The following NUDT17 variants were observed in gnomAD, a reference collection of about 807,000 sequenced individuals.
NUDT17 encodes m7GpppN-mRNA hydrolase NUDT17.
Under a neutral mutation model 38.6 loss-of-function variants are expected in NUDT17, and 38 were observed. The ratio of observed to expected loss-of-function variants is 0.98; its 90% CI spans 0.76 to 1.29. The LOEUF (loss-of-function observed/expected upper bound fraction) is 1.29. NUDT17 is among the 50% of genes most tolerant of loss of function. The pLI is 0.00. For missense variants in NUDT17, 462 were observed against 415.2 expected (o/e 1.11, Z -0.98); for synonymous variants, 192 against 167.8 (o/e 1.14, Z -1.11).
rs1553732978 is a variant in NUDT17 at position 145,847,673 on chromosome 1, A to G, written c.685A>G (p.Thr229Ala). 1.5e-5 allele frequency: 24 copies of G among 1,614,032 alleles called. No homozygotes were observed. Among genetic ancestry groups the G allele is most frequent in the Non-Finnish European group, 2.0e-5 (24 of 1,179,990 alleles). ...TGCAGTGGCTGCCGCAGAGGATGGG[A>G]CAGAGACACCCGGACTTCTCCCCCA... ...AAAVAAAEDG[T>A]ETPGLLPQDL... is the part of the protein sequence containing the mutation. The change falls in exon 6 of 8, where the codon ACA becomes GCA. Residue 229 changes from threonine (T) to alanine (A), a missense_variant. Coordinates refer to ENST00000334513, the MANE Select transcript of NUDT17 (RefSeq NM_001012758.3).
At chr1:145,846,518 G>A in intron 3 of NUDT17, 60 bp downstream of exon 3, 4 of 1,604,770 alleles carry the variant, frequency 2.5e-6, no homozygotes, top group Non-Finnish European at 3.4e-6. Context: ...CATCTTGGGT[G>A]TGGGCTGAGG....
chr1:145,846,577 T>C, intron 3 of NUDT17, 21 bp from the exon 4 acceptor site: 2 of 1,611,882 alleles, frequency 1.2e-6, no homozygotes, highest in Non-Finnish European at 1.7e-6. Context: ...GCCCCTCTGA[T>C]GTGTCTTCTC....
rs139789829 is a variant in NUDT17, at chr1:145,847,684, C to G, written c.696C>G (p.Pro232=). 1 of 1,614,024 alleles carries G rather than the reference C, an allele frequency of 6.2e-7. No individual in the cohort carries two copies. Among genetic ancestry groups the G allele is most frequent in the South Asian group, 1.1e-5 (1 of 91,056 alleles). ...VAAAEDGTET[P]GLLPQDLPPS... ...CCGCAGAGGATGGGACAGAGACACCCGGACTTCTCCCCCAGGACCTACCAC... is the reference window on the plus strand; with the variant it reads ...CCGCAGAGGATGGGACAGAGACACCGGGACTTCTCCCCCAGGACCTACCAC... The change falls in exon 6 of 8, where the codon CCC becomes CCG. Residue 232 remains proline (P), a synonymous_variant. Coordinates refer to ENST00000334513, the MANE Select transcript of NUDT17 (RefSeq NM_001012758.3).
rs1448931024 is a variant in NUDT17, at chr1:145,848,220, T to C, written c.840T>C (p.Thr280=). The C allele has an allele frequency of 1.2e-6, 2 of 1,614,086 alleles. No individual in the cohort carries two copies. The highest frequency in any genetic ancestry group is 1.7e-6 in the Non-Finnish European group (2 of 1,180,046). Residue 280 remains threonine, a synonymous_variant, in exon 7 of 8, where the codon ACT becomes ACC. Transcript: ENST00000334513. Reference sequence around the variant, plus strand: ...CAGAGGACAAAGAGAGAGTCAGCACTGGAACCAAGTTTGCCCTCAAGCTCT... The same window carrying C: ...CAGAGGACAAAGAGAGAGTCAGCACCGGAACCAAGTTTGCCCTCAAGCTCT... ...TMAEDKERVS[T]GTKFALKLWL...
Position 145,847,338 on chromosome 1 carries a change from A to G in NUDT17, c.584A>G (p.Gln195Arg), listed in dbSNP as rs1553732810. ...YLLVISQESQ[Q>R]QLQARIQPNP... ...CTCGTGATCTCCCAGGAATCACAGC[A>G]GCAGTTGCAGGTAGGGCTGGCAGTG... The change falls in exon 5 of 8, where the codon CAG becomes CGG. Residue 195 changes from glutamine (Q) to arginine (R), a missense_variant. Physicochemically the swap from Gln to Arg is conservative, Grantham distance 43. Transcript: ENST00000334513. 6.2e-7 allele frequency: 1 copy of G among 1,606,230 alleles called. No homozygotes were observed. Among genetic ancestry groups the G allele is most frequent in the East Asian group, 2.2e-5 (1 of 44,646 alleles).
intron 2 of NUDT17, 32 bp downstream of exon 2, chr1:145,846,228 A>G: frequency 6.4e-7 from 1 of 1,557,262 alleles, no homozygotes; most frequent in Non-Finnish European, 8.7e-7. Flanking sequence ...CCCCAAGTAC[A>G]GAGAAGAAAT....
rs782043047 is a variant in NUDT17, at chr1:145,847,608, A to C, written c.620A>C (p.Glu207Ala). Reference sequence around the variant, plus strand: ...GCCCGGATCCAACCAAACCCAAATGAGGTGAGCGCCCTTATGTGGCTGACA... The same window carrying C: ...GCCCGGATCCAACCAAACCCAAATGCGGTGAGCGCCCTTATGTGGCTGACA... ...LQARIQPNPN[E>A]VSALMWLTPD... Residue 207 changes from glutamate (E) to alanine (A), a missense_variant, in exon 6 of 8, where the codon GAG (glutamate) becomes GCG (alanine). Glu to Ala is a moderately radical substitution (Grantham distance 107). Coordinates refer to ENST00000334513, the MANE Select transcript of NUDT17 (RefSeq NM_001012758.3). 4.3e-5 allele frequency: 70 copies of C among 1,613,690 alleles called. 1 individual carries two copies. The South Asian group carries it at 7.0e-4, about 16-fold the overall frequency.
chr1:145,846,831 A>T (rs1228557829), intron 4 of NUDT17, 141 bp downstream of exon 4: 4 of 689,876 alleles, frequency 5.8e-6, no homozygotes, highest in African/African-American at 1.8e-5. Context: ...CATCTGTACC[A>T]TCCACGCCCT....
intron 5 of NUDT17, 77 bp downstream of exon 5, chr1:145,847,425 G>T (rs1652755754): frequency 5.2e-6 from 7 of 1,356,832 alleles, no homozygotes; most frequent in East Asian, 2.3e-5. Context: ...ATTAGGAGCT[G>T]GGCGGGGGTG....
At chr1:145,847,194 T>TAAA (rs782031890) in intron 4 of NUDT17, 56 bp from the exon 5 acceptor site, 327 of 924,132 alleles carry the variant, frequency 3.5e-4, no homozygotes, top group Middle Eastern at 5.1e-4. Flanking sequence ...AACTCCATCT[T>TAAA]AAAAAAAAAA....
intron 6 of NUDT17, 35 bp downstream of exon 6, chr1:145,847,754 C>T: frequency 6.2e-7 from 1 of 1,604,780 alleles, no homozygotes; most frequent in Non-Finnish European, 8.5e-7. Context: ...CTCTAATACA[C>T]CAACATATTC....
intron 1 of NUDT17, 39 bp downstream of exon 1, chr1:145,845,871 G>T: frequency 6.5e-7 from 1 of 1,546,960 alleles, no homozygotes. Context: ...GCAGTGAAGG[G>T]CCAAAGATGG....
Position 145,845,737 on chromosome 1 carries a change from C to G in NUDT17, c.97C>G (p.Leu33Val). ...TGGCCTCCTGGGAGCCGGACCAGGG[C>G]TCGGGACGTGGCCCATTCACTGCAG... is the stretch of plus-strand genomic sequence containing the variant. ...VCGLLGAGPGLGTWPIHCSLK... is the reference protein window; with the variant it reads ...VCGLLGAGPGVGTWPIHCSLK... Residue 33 changes from leucine (L) to valine (V), a missense_variant, in exon 1 of 8, where the codon CTC becomes GTC. Coordinates refer to ENST00000334513, the MANE Select transcript of NUDT17 (RefSeq NM_001012758.3). The G allele has an allele frequency of 6.4e-7, 1 of 1,564,742 alleles. No individual in the cohort carries two copies.
At chr1:145,846,217 G>A (rs782209121) in intron 2 of NUDT17, 21 bp downstream of exon 2, 60 of 1,564,244 alleles carry the variant, frequency 3.8e-5, no homozygotes, top group Non-Finnish European at 4.8e-5. Context: ...TGGGGACAAG[G>A]CCCCAAGTAC....
rs782066467 is a variant in NUDT17 at position 145,848,721 on chromosome 1, G to C, written c.*242G>C. 92 of 424,588 alleles carry C rather than the reference G, an allele frequency of 2.2e-4. 1 individual carries two copies. Among genetic ancestry groups the C allele is most frequent in the Middle Eastern group, 5.7e-4 (1 of 1,760 alleles). The allele number at this position is 424,588 out of a possible 1,614,324, so 26.3% of individuals were successfully genotyped here. ...GGGCCATGAGCCTCTAGAAGCTTAG[G>C]GGGGAATAAGAAACACTGTGAACTT... On this transcript the variant is annotated 3_prime_UTR_variant, in exon 8 of 8. Coordinates refer to ENST00000334513, the MANE Select transcript of NUDT17 (RefSeq NM_001012758.3).
At chr1:145,847,788 C>A in intron 6 of NUDT17, 69 bp downstream of exon 6, 1 of 1,528,252 alleles carries the variant, frequency 6.5e-7, no homozygotes, top group Non-Finnish European at 9.1e-7. Context: ...CAGCGTCTAT[C>A]CTGTCCTCAG....
chr1:145,846,256 CAAT>C (rs782670297), intron 2 of NUDT17, 60 bp downstream of exon 2: 59 of 1,521,506 alleles, frequency 3.9e-5, no homozygotes, highest in South Asian at 7.1e-5. Flanking sequence ...TTCCCCGCAA[CAAT>C]GTTTTTCCCA....
At chr1:145,846,783 C>T in intron 4 of NUDT17, 93 bp downstream of exon 4, 1 of 882,184 alleles carries the variant, frequency 1.1e-6, no homozygotes, top group Non-Finnish European at 1.9e-6. Context: ...GGGCTGGAAT[C>T]CCCAAATCCA....
intron 4 of NUDT17, 134 bp from the exon 5 acceptor site, chr1:145,847,116 C>A (rs782516433): frequency 6.7e-6 from 4 of 595,854 alleles, no homozygotes; most frequent in Non-Finnish European, 1.2e-5. Flanking sequence ...ATTGCTTGAA[C>A]CCAGGAGGCA....
Sources: allele counts gnomAD v4.1 joint callset, GRCh38; gene constraint gnomAD v4.1.1; transcripts MANE v1.5; gene names NCBI Gene and HGNC (gene_info 2026-07-23, HGNC 2026-07-21).